The following CACNA2D2 variants were observed in gnomAD, a reference collection of about 807,000 sequenced individuals.
CACNA2D2 encodes the protein calcium voltage-gated channel auxiliary subunit alpha2delta 2.
Under a neutral mutation model 166.4 loss-of-function variants are expected in CACNA2D2, and 48 were observed. That is an observed-to-expected ratio of 0.29 (90% CI 0.23 to 0.37). The LOEUF is 0.37. Ranked by LOEUF, CACNA2D2 falls within the 10% of genes least tolerant of loss-of-function variation. CACNA2D2 has a pLI of 1.00. For synonymous variants in CACNA2D2, 561 were observed against 573.7 expected (o/e 0.98, Z 0.32); for missense variants, 1,122 against 1,433.0 (o/e 0.78, Z 3.50).
At chr3:50,410,759 C>T (rs1236854197) in intron 3 of CACNA2D2, among the ~76,000 whole-genome samples, 1 of 152,234 alleles carries the variant, frequency 6.6e-6, no homozygotes, top group South Asian at 2.1e-4. Context: ...CTGTTCCAAA[C>T]AAGGTGATGT....
At position 50,376,104 on chromosome 3, in the gene CACNA2D2, T is replaced by C; in HGVS notation, c.1701+10A>G. On this transcript the variant is annotated intron_variant, in intron 18 of 37. Transcript: ENST00000424201. This position sits in a 1 kb window ranked among gnomAD's most constrained non-coding sequence, Gnocchi z 4.3. Reference sequence around the variant, plus strand: ...GTTTGCCCACCCTCCAGGCCACCCGTCTGGCTCACCTGGGGCTTGAGATTG... The same window carrying C: ...GTTTGCCCACCCTCCAGGCCACCCGCCTGGCTCACCTGGGGCTTGAGATTG... The C allele has an allele frequency of 6.2e-7, 1 of 1,613,402 alleles. No individual in the cohort carries two copies. Among genetic ancestry groups the C allele is most frequent in the Middle Eastern group, 1.7e-4 (1 of 6,060 alleles).
rs182348789 is a variant in CACNA2D2 at position 50,427,496 on chromosome 3, C to T, written c.405+6817G>A. Among the ~76,000 whole-genome samples, 26 of 152,374 alleles carry T rather than the reference C, an allele frequency of 1.7e-4. No homozygotes were observed. Among genetic ancestry groups the T allele is most frequent in the Admixed American group, 1.5e-3 (23 of 15,306 alleles). ...GGCGCCCACGCGTGCGCCTAATTGG[C>T]TCCACGTGTCTGCGGCTCCTTTCCA... is the stretch of plus-strand genomic sequence containing the variant. On this transcript the variant is annotated intron_variant, in intron 3 of 37. Coordinates refer to ENST00000424201, the MANE Select transcript of CACNA2D2 (RefSeq NM_006030.4). The surrounding 1 kb of genome is among the most constrained non-coding windows in gnomAD (Gnocchi z 4.7).
chr3:50,455,654 C>T (rs930372704), intron 2 of CACNA2D2, among the ~76,000 whole-genome samples: 1 of 152,174 alleles, frequency 6.6e-6, no homozygotes, highest in Non-Finnish European at 1.5e-5. Context: ...CAACAAGGAC[C>T]TCAGGGAGCA....
chr3:50,448,124 T>C (rs1161811855), intron 2 of CACNA2D2, among the ~76,000 whole-genome samples: 1 of 152,126 alleles, frequency 6.6e-6, no homozygotes, highest in African/African-American at 2.4e-5. Context: ...CTGAAGCTCC[T>C]AGGTGGCAAC....
At chr3:50,442,138 T>C (rs1313523149) in intron 2 of CACNA2D2, among the ~76,000 whole-genome samples, 1 of 152,146 alleles carries the variant, frequency 6.6e-6, no homozygotes, top group Non-Finnish European at 1.5e-5. Flanking sequence ...CCCTTGGTGG[T>C]CACGAGGATG....
rs752007635 is a variant in CACNA2D2, at chr3:50,367,786, G to A, written c.2234+26C>T. The A allele has an allele frequency of 5.0e-6, 8 of 1,612,402 alleles. No homozygotes were observed. The South Asian group carries it at 6.6e-5, about 13-fold the overall frequency. On this transcript the variant is annotated intron_variant, in intron 25 of 37. Transcript: ENST00000424201. The surrounding 1 kb of genome is among the most constrained non-coding windows in gnomAD (Gnocchi z 6.5). ...GCCTCTGGGCCCATCCTAGCCTTCT[G>A]CCCCCACAGGCTGGGTGATGCCTAC... is the stretch of plus-strand genomic sequence containing the variant.
intron 3 of CACNA2D2, among the ~76,000 whole-genome samples, chr3:50,428,549 G>A (rs575307983): frequency 6.6e-6 from 1 of 152,148 alleles, no homozygotes; most frequent in African/African-American, 2.4e-5. Context: ...TGTGCAGAAG[G>A]GTTTTTAATT....
intron 3 of CACNA2D2, among the ~76,000 whole-genome samples, chr3:50,433,328 C>T (rs1708155452): frequency 6.6e-6 from 1 of 152,056 alleles, no homozygotes; most frequent in South Asian, 2.1e-4. Context: ...AGCAAGCAAG[C>T]ATCAGGAGAC....
chr3:50,380,225 A>G lies in CACNA2D2; in HGVS notation c.843-207T>C, dbSNP rs1439595216. On this transcript the variant is annotated intron_variant, in intron 8 of 37. Transcript: ENST00000424201. The surrounding 1 kb of genome is among the most constrained non-coding windows in gnomAD (Gnocchi z 4.9). Reference sequence around the variant, plus strand: ...AATGGTCTGGTTCCTCAGCAAGGAAAAAGTACCAGGGGGTATATGAGCAGG... The same window carrying G: ...AATGGTCTGGTTCCTCAGCAAGGAAGAAGTACCAGGGGGTATATGAGCAGG... 1.3e-5 allele frequency among the ~76,000 whole-genome samples: 2 copies of G among 152,256 alleles called. No homozygotes were observed. Among genetic ancestry groups the G allele is most frequent in the Non-Finnish European group, 1.5e-5 (1 of 68,050 alleles).
chr3:50,487,930 G>A (rs1375058453), intron 1 of CACNA2D2, among the ~76,000 whole-genome samples: 1 of 152,188 alleles, frequency 6.6e-6, no homozygotes, highest in Non-Finnish European at 1.5e-5. Flanking sequence ...AAGCAGGGCA[G>A]ATGCAGGCCT....
intron 1 of CACNA2D2, among the ~76,000 whole-genome samples, chr3:50,492,382 C>A (rs1465618411): frequency 6.6e-6 from 1 of 152,240 alleles, no homozygotes; most frequent in Non-Finnish European, 1.5e-5. Flanking sequence ...GAATGGCCTC[C>A]TTCAGGCCTC....
In CACNA2D2 at chr3:50,384,100, C is replaced by G. The variant is rs913136613; in HGVS notation, c.652+96G>C. On this transcript the variant is annotated intron_variant, in intron 6 of 37. Transcript: ENST00000424201. ...TGTAGGAGGCTGGAGGTAGATGGCA[C>G]TGGCCTTCTGTCCCCAGGGACTCTG... 51 of 1,484,092 alleles carry G rather than the reference C, an allele frequency of 3.4e-5. No homozygotes were observed. The African/African-American group carries it at 6.6e-4, about 19-fold the overall frequency. The allele number at this position is 1,484,092 out of a possible 1,614,324, so 91.9% of individuals were successfully genotyped here.
chr3:50,450,802 A>G (rs1418758631), intron 2 of CACNA2D2, among the ~76,000 whole-genome samples: 1 of 151,962 alleles, frequency 6.6e-6, no homozygotes, highest in Non-Finnish European at 1.5e-5. Context: ...TCACATCCGC[A>G]AGACGCCCGC....
In CACNA2D2 at chr3:50,380,146, T is replaced by C; in HGVS notation, c.843-128A>G. 1.2e-6 allele frequency: 1 copy of C among 865,202 alleles called. No homozygotes were observed. 53.6% of individuals were successfully genotyped at this position (865,202 alleles called of 1,614,324 possible). A position where few individuals can be genotyped will look rare whatever the true frequency, so the allele number is the denominator to read the frequency against. On this transcript the variant is annotated intron_variant, in intron 8 of 37. Transcript: ENST00000424201. This position sits in a 1 kb window ranked among gnomAD's most constrained non-coding sequence, Gnocchi z 4.9. The stretch of plus-strand genomic sequence containing the variant: ...ACTGTGTGGGCCAGGCAGGGTTCTA[T>C]GCACCGATGATACCACATTTAACGA...
rs1163832212 is a variant in CACNA2D2 at position 50,365,024 on chromosome 3, G to A, written c.3208+51C>T. On this transcript the variant is annotated intron_variant, in intron 36 of 37. Transcript: ENST00000424201. The surrounding 1 kb of genome is among the most constrained non-coding windows in gnomAD (Gnocchi z 4.5). Reference sequence around the variant, plus strand: ...GGACGGCGGCGGCGGCACGGAGGGGGCGCGCGGGGCAGAGGGGGAGCGGGC... The same window carrying A: ...GGACGGCGGCGGCGGCACGGAGGGGACGCGCGGGGCAGAGGGGGAGCGGGC... 6.2e-7 allele frequency: 1 copy of A among 1,601,514 alleles called. No homozygotes were observed. Among genetic ancestry groups the A allele is most frequent in the Non-Finnish European group, 8.5e-7 (1 of 1,174,338 alleles).
In CACNA2D2 at chr3:50,379,116, CTCAAAGACG is replaced by C; in HGVS notation, c.1227_1235del (p.Asp409_Phe411del). On this transcript the variant is annotated inframe_deletion, in exon 12 of 38. Transcript: ENST00000424201. The surrounding 1 kb of genome is among the most constrained non-coding windows in gnomAD (Gnocchi z 6.5). ...CCGTCCGGTTTGGCCAATTGTACTTCTCAAAGACGTCCTGCACGCGGTCCTCACCACCAT... is the reference window on the plus strand; with the variant it reads ...CCGTCCGGTTTGGCCAATTGTACTTCTCCTGCACGCGGTCCTCACCACCAT... 1 of 1,614,036 alleles carries C rather than the reference CTCAAAGACG, an allele frequency of 6.2e-7. No homozygotes were observed. The highest frequency in any genetic ancestry group is 8.5e-7 in the Non-Finnish European group (1 of 1,180,000).
intron 3 of CACNA2D2, among the ~76,000 whole-genome samples, chr3:50,396,535 C>G (rs1215642704): frequency 6.6e-6 from 1 of 152,148 alleles, no homozygotes; most frequent in Non-Finnish European, 1.5e-5. Flanking sequence ...TGCCTGCCCA[C>G]GCCGACCCCA....
chr3:50,366,481 CCCACAGG>C lies in CACNA2D2; in HGVS notation c.2637+90_2637+96del. On this transcript the variant is annotated intron_variant, in intron 30 of 37. Coordinates refer to ENST00000424201, the MANE Select transcript of CACNA2D2 (RefSeq NM_006030.4). The surrounding 1 kb of genome is among the most constrained non-coding windows in gnomAD (Gnocchi z 5.9). ...TGAAGTCAGGGTGGGGATGTTGAGA[CCCACAGG>C]CCAAGGGATGTGCTGGGAGTCGCGG... The C allele has an allele frequency of 6.7e-7, 1 of 1,497,434 alleles. No homozygotes were observed. The highest frequency in any genetic ancestry group is 1.7e-5 in the Admixed American group (1 of 59,552). 92.8% of individuals were successfully genotyped at this position (1,497,434 alleles called of 1,614,324 possible).
At chr3:50,434,490 C>T in intron 2 of CACNA2D2, 61 bp from the exon 3 acceptor site, 3 of 1,139,146 alleles carry the variant, frequency 2.6e-6, no homozygotes. Flanking sequence ...TGCCATGGGC[C>T]CTGCATACCC....
Sources: allele counts gnomAD v4.1 joint callset (sites outside exome capture counted in the v4.1 genomes callset), GRCh38; gene constraint gnomAD v4.1.1; non-coding constraint Gnocchi (gnomAD v3.1); transcripts MANE v1.5; gene names NCBI Gene and HGNC (gene_info 2026-07-23, HGNC 2026-07-21).